Variants in SLC39A11 observed in about 807,000 individuals in gnomAD.
SLC39A11 encodes the protein zinc transporter ZIP11.
In SLC39A11, 33 loss-of-function variants were observed where a neutral mutation model predicts 36.1. The ratio of observed to expected loss-of-function variants is 0.91; its 90% CI spans 0.69 to 1.22. The LOEUF (loss-of-function observed/expected upper bound fraction) is 1.22, where lower values mean the gene tolerates loss of function less well. Ranked by LOEUF, SLC39A11 falls within the 50% of genes most tolerant of loss-of-function variation. The pLI is 0.00. For missense variants in SLC39A11, 432 were observed against 430.3 expected (o/e 1.00, Z -0.03); for synonymous variants, 166 against 170.3 (o/e 0.97, Z 0.20).
At chr17:72,846,829 G>A (rs2079074725) in intron 6 of SLC39A11, among the ~76,000 whole-genome samples, 1 of 152,168 alleles carries the variant, frequency 6.6e-6, no homozygotes, top group Non-Finnish European at 1.5e-5. Context: ...ATTGGCTAAA[G>A]AAGGGGTCAT....
At chr17:72,899,215 C>T (rs1293600787) in intron 5 of SLC39A11, among the ~76,000 whole-genome samples, 1 of 151,924 alleles carries the variant, frequency 6.6e-6, no homozygotes, top group Admixed American at 6.6e-5. Flanking sequence ...CCAGCAGCAA[C>T]CCCCACCCCA....
At chr17:72,970,362 G>A (rs539711671) in intron 4 of SLC39A11, among the ~76,000 whole-genome samples, 1 of 152,304 alleles carries the variant, frequency 6.6e-6, no homozygotes, top group East Asian at 1.9e-4. Flanking sequence ...GAGCCGGGAA[G>A]CAAGAGCTTA....
intron 6 of SLC39A11, among the ~76,000 whole-genome samples, chr17:72,744,996 C>T (rs1350325731): frequency 1.3e-5 from 2 of 152,146 alleles, no homozygotes; most frequent in South Asian, 2.1e-4. Context: ...TGCGCACCAC[C>T]AGGCCTGGCT....
At chr17:72,733,265 T>C (rs1459993058) in intron 7 of SLC39A11, among the ~76,000 whole-genome samples, 1 of 152,190 alleles carries the variant, frequency 6.6e-6, no homozygotes, top group African/African-American at 2.4e-5. Flanking sequence ...AAAAACCATG[T>C]TTACTAGTTT....
intron 3 of SLC39A11, among the ~76,000 whole-genome samples, chr17:73,063,715 AAAGC>A (rs140528950): frequency 0.024 from 3,639 of 152,318 alleles, 131 homozygotes; most frequent in African/African-American, 0.078. Flanking sequence ...CAAAAAGTAT[AAAGC>A]AATAAACCAA....
At chr17:72,900,214 AAAGAAAGAAAGAAAG>A (rs2082316674) in intron 5 of SLC39A11, among the ~76,000 whole-genome samples, 1 of 151,522 alleles carries the variant, frequency 6.6e-6, no homozygotes, top group Non-Finnish European at 1.5e-5. Flanking sequence ...AGAAAGAAAG[AAAGAAAGAAAGAAAG>A]AAAAAGACAG....
chr17:72,892,769 GT>G (rs920450542), intron 5 of SLC39A11, among the ~76,000 whole-genome samples: 1 of 152,198 alleles, frequency 6.6e-6, no homozygotes, highest in Non-Finnish European at 1.5e-5. Context: ...AATTTCTGAA[GT>G]TTTTTAGAAA....
At chr17:72,809,201 CT>C (rs67831460) in intron 6 of SLC39A11, among the ~76,000 whole-genome samples, 59,303 of 102,648 alleles carry the variant, frequency 0.58, 13,455 homozygotes, top group Middle Eastern at 0.64. Context: ...TCTTTTCTTT[CT>C]CTCTCTCTCT....
chr17:72,754,039 TATATATACACATACACACAC>T (rs58784773), intron 6 of SLC39A11, among the ~76,000 whole-genome samples: 9,237 of 109,612 alleles, frequency 0.084, 394 homozygotes, highest in Non-Finnish European at 0.11. Context: ...TATATATATA[TATATATACACATACACACAC>T]ACACACACAC....
chr17:73,020,715 A>G (rs1180742108), intron 4 of SLC39A11, among the ~76,000 whole-genome samples: 1 of 110,908 alleles, frequency 9.0e-6, no homozygotes, highest in Admixed American at 1.5e-4. Flanking sequence ...ACGGAGTCTC[A>G]CTCTATCACC....
intron 5 of SLC39A11, among the ~76,000 whole-genome samples, chr17:72,900,505 G>C (rs1299184196): frequency 6.6e-6 from 1 of 152,162 alleles, no homozygotes; most frequent in Non-Finnish European, 1.5e-5. Flanking sequence ...AATGAGTCCA[G>C]AGGGGCAGCC....
intron 3 of SLC39A11, among the ~76,000 whole-genome samples, chr17:73,055,898 C>A (rs572508379): frequency 6.6e-6 from 1 of 152,342 alleles, no homozygotes; most frequent in African/African-American, 2.4e-5. Context: ...TGTCCCCTGA[C>A]CACGTTGCAG....
rs9912126 is a variant in SLC39A11, at chr17:72,647,426, A to G, written c.*158T>C. On this transcript the variant is annotated 3_prime_UTR_variant, in exon 10 of 10. Transcript: ENST00000255559. Reference sequence around the variant, plus strand: ...AAAAATCTCCCTCAAAGCAAAGTAAAAATGGTTCTATTATAATCAGAGTCA... The same window carrying G: ...AAAAATCTCCCTCAAAGCAAAGTAAGAATGGTTCTATTATAATCAGAGTCA... 52,527 of 499,394 alleles carry G rather than the reference A, an allele frequency of 0.11. 3,312 individuals are homozygous for G. The highest frequency in any genetic ancestry group is 0.21 in the African/African-American group (10,631 of 51,138). 30.9% of individuals were successfully genotyped at this position (499,394 alleles called of 1,614,324 possible).
intron 3 of SLC39A11, among the ~76,000 whole-genome samples, chr17:73,042,672 G>A (rs2059149274): frequency 6.6e-6 from 1 of 152,108 alleles, no homozygotes; most frequent in African/African-American, 2.4e-5. Context: ...ATGTTGGCGG[G>A]CACCTGTAAT....
At chr17:72,988,719 T>A (rs1297104493) in intron 4 of SLC39A11, among the ~76,000 whole-genome samples, 1 of 152,106 alleles carries the variant, frequency 6.6e-6, no homozygotes, top group Non-Finnish European at 1.5e-5. Context: ...TTATTTATTT[T>A]TATTTTTGAG....
intron 3 of SLC39A11, among the ~76,000 whole-genome samples, chr17:73,045,767 G>A (rs775077400): frequency 1.3e-5 from 2 of 152,204 alleles, no homozygotes; most frequent in Non-Finnish European, 2.9e-5. Context: ...TTAACTCCAT[G>A]CAGACTTAAA....
intron 6 of SLC39A11, among the ~76,000 whole-genome samples, chr17:72,832,097 C>T (rs138141216): frequency 1.9e-3 from 291 of 152,198 alleles, no homozygotes; most frequent in African/African-American, 6.4e-3. Context: ...TGGGATCGAG[C>T]GTATAATCCC....
chr17:72,952,484 T>G (rs1457515944), intron 4 of SLC39A11, among the ~76,000 whole-genome samples: 1 of 152,158 alleles, frequency 6.6e-6, no homozygotes, highest in Non-Finnish European at 1.5e-5. Flanking sequence ...ACCCCCCTGC[T>G]GCCATGGAGC....
intron 6 of SLC39A11, among the ~76,000 whole-genome samples, chr17:72,747,999 G>C (rs889380149): frequency 6.6e-6 from 1 of 152,208 alleles, no homozygotes; most frequent in Non-Finnish European, 1.5e-5. Context: ...AAATAGAAGT[G>C]TTCTAGAAAA....
Sources: gnomAD v4.1 joint callset for allele counts (sites outside exome capture counted in the v4.1 genomes callset) on GRCh38, gnomAD v4.1.1 for gene constraint, MANE v1.5 for transcripts, NCBI Gene and HGNC (gene_info 2026-07-23, HGNC 2026-07-21) for gene names.